FRYL: variants seen among roughly 807,000 people sequenced by gnomAD.
FRYL encodes FRY like transcription coactivator, also known as protein furry homolog-like.
In FRYL, 150 loss-of-function variants were observed where a neutral mutation model predicts 351.2. That is an observed-to-expected ratio of 0.43 (90% CI 0.37 to 0.49). The LOEUF (loss-of-function observed/expected upper bound fraction) is 0.49, where lower values mean the gene tolerates loss of function less well. Ranked by LOEUF, FRYL falls within the 20% of genes least tolerant of loss-of-function variation. FRYL has a pLI of 0.00. For missense variants in FRYL, 3,036 were observed against 3,619.3 expected (o/e 0.84, Z 4.13); for synonymous variants, 1,153 against 1,257.1 (o/e 0.92, Z 1.75).
chr4:48,776,476 C>T (rs971783756), intron 1 of FRYL, among the ~76,000 whole-genome samples: 5 of 152,130 alleles, frequency 3.3e-5, no homozygotes, highest in African/African-American at 1.2e-4. Context: ...TAAAACTGCC[C>T]AAGTACTTTA....
At chr4:48,598,914 T>G (rs1745149951) in intron 13 of FRYL, 1 of 815,502 alleles carries the variant, frequency 1.2e-6, no homozygotes, top group Non-Finnish European at 1.5e-6. Context: ...AAACATGAGA[T>G]GCAGCACATG....
In FRYL at chr4:48,703,691, T is replaced by A. The variant is rs182821526; in HGVS notation, c.-204+6828A>T. Among the ~76,000 whole-genome samples, 19 of 152,310 alleles carry A rather than the reference T, an allele frequency of 1.2e-4. No individual in the cohort carries two copies. The East Asian group carries it at 3.7e-3, about 29-fold the overall frequency. Reference sequence around the variant, plus strand: ...ACTCACAACCTCTCCAATGTAATAATGTGTCCCCACTTTTACATTCTCTCT... The same window carrying A: ...ACTCACAACCTCTCCAATGTAATAAAGTGTCCCCACTTTTACATTCTCTCT... On this transcript the variant is annotated intron_variant, in intron 2 of 63. Coordinates refer to ENST00000358350, the MANE Select transcript of FRYL (RefSeq NM_015030.2).
chr4:48,572,851 G>A (rs1411391948), intron 26 of FRYL, among the ~76,000 whole-genome samples: 1 of 152,080 alleles, frequency 6.6e-6, no homozygotes, highest in Non-Finnish European at 1.5e-5. Flanking sequence ...CTTTTTTTAT[G>A]TAGTTTACGA....
At chr4:48,604,079 C>T (rs1712768) in intron 11 of FRYL, among the ~76,000 whole-genome samples, 62,571 of 152,076 alleles carry the variant, frequency 0.41, 14,148 homozygotes, top group Admixed American at 0.56. Context: ...ATCTGACATA[C>T]TACCTATTTT....
At position 48,749,033 on chromosome 4, in the gene FRYL, A is replaced by G. The variant is rs560373450; in HGVS notation, c.-384+31045T>C. On this transcript the variant is annotated intron_variant, in intron 1 of 63. Coordinates refer to ENST00000358350, the MANE Select transcript of FRYL (RefSeq NM_015030.2). ...ATATCTGGCATATTACAGCAACAGC[A>G]AGGCGATAAGCAACATCATAACAGA... Among the ~76,000 whole-genome samples the G allele has an allele frequency of 9.8e-5, 15 of 152,344 alleles. No homozygotes were observed. The South Asian group carries it at 2.9e-3, about 29-fold the overall frequency.
rs761211462 is a variant in FRYL at position 48,505,603 on chromosome 4, A to C, written c.8407T>G (p.Cys2803Gly). 5.6e-6 allele frequency: 9 copies of C among 1,606,040 alleles called. No individual in the cohort carries two copies. In the Admixed American group the frequency reaches 1.0e-4, roughly 18 times the overall value. Residue 2803 changes from cysteine (C) to glycine (G), a missense_variant, in exon 60 of 64, where the codon TGT (cysteine) becomes GGT (glycine). Around this residue, in one of 7 missense-constraint regions of FRYL, gnomAD observed 1,987 missense variants for 2,311.7 expected, o/e 0.86. Coordinates refer to ENST00000358350, the MANE Select transcript of FRYL (RefSeq NM_015030.2). The stretch of plus-strand genomic sequence containing the variant: ...TCTTTGGCACCAAATGTCCTCTTAC[A>C]ATCATCTAGCCACTAAAAATAAGTA... ...REAAEQWLDDCKRTFGAKEDM... is the reference protein window; with the variant it reads ...REAAEQWLDDGKRTFGAKEDM...
intron 1 of FRYL, among the ~76,000 whole-genome samples, chr4:48,712,356 T>C (rs1489145184): frequency 1.3e-5 from 2 of 151,636 alleles, no homozygotes; most frequent in African/African-American, 4.9e-5. Context: ...GAATAACCAA[T>C]ACAGAGAAGT....
intron 4 of FRYL, among the ~76,000 whole-genome samples, chr4:48,632,091 A>AATATATATATATATATATATGT (rs1753177493): frequency 4.3e-5 from 1 of 23,396 alleles, no homozygotes; most frequent in Non-Finnish European, 9.4e-5. Context: ...AAAAAAAAAA[A>AATATATATATATATATATATGT]ATATATATAT....
rs549797933 is a variant in FRYL, at chr4:48,673,814, T to C, written c.-81+10859A>G. Reference sequence around the variant, plus strand: ...CTTCAATCAGTGAGCAACTATTATGTCCCAAGCCTTGGAACACATGAAACA... The same window carrying C: ...CTTCAATCAGTGAGCAACTATTATGCCCCAAGCCTTGGAACACATGAAACA... On this transcript the variant is annotated intron_variant, in intron 3 of 63. Coordinates refer to ENST00000358350, the MANE Select transcript of FRYL (RefSeq NM_015030.2). Among the ~76,000 whole-genome samples, 6 of 152,304 alleles carry C rather than the reference T, an allele frequency of 3.9e-5. No homozygotes were observed. In the South Asian group the frequency reaches 1.2e-3, roughly 32 times the overall value.
chr4:48,612,401 C>T (rs1327776115), intron 7 of FRYL, among the ~76,000 whole-genome samples: 9 of 152,028 alleles, frequency 5.9e-5, no homozygotes, highest in Non-Finnish European at 1.2e-4. Flanking sequence ...AAGTTTTTTC[C>T]TCCCCTATAC....
chr4:48,653,807 A>AAGC (rs67820516), intron 3 of FRYL: 284 of 1,274,968 alleles, frequency 2.2e-4, no homozygotes, highest in South Asian at 1.9e-3. Flanking sequence ...TCAGCTGCAA[A>AAGC]AGCAGCAGCA....
At position 48,540,910 on chromosome 4, in the gene FRYL, T is replaced by C; in HGVS notation, c.5738A>G (p.Lys1913Arg). The part of the protein sequence containing the change: ...IMGNKYAANR[K>R]STGQLNLSTS... Reference sequence around the variant, plus strand: ...GCTTAGATTGAGTTGTCCAGTGCTTTTCCTGTTAGCTGCATACTTGTTTCC... The same window carrying C: ...GCTTAGATTGAGTTGTCCAGTGCTTCTCCTGTTAGCTGCATACTTGTTTCC... The change falls in exon 46 of 64, where the codon AAA (lysine) becomes AGA (arginine). Residue 1913 changes from lysine (K) to arginine (R), a missense_variant. Physicochemically the swap from Lys to Arg is conservative, Grantham distance 26 (BLOSUM62 2). Transcript: ENST00000358350. 6.2e-7 allele frequency: 1 copy of C among 1,611,518 alleles called. No individual in the cohort carries two copies. The highest frequency in any genetic ancestry group is 8.5e-7 in the Non-Finnish European group (1 of 1,178,176).
Position 48,710,657 on chromosome 4 carries a change from AG to A in FRYL, c.-343del, listed in dbSNP as rs1767897614. The A allele has an allele frequency of 2.5e-6, 1 of 398,412 alleles. No individual in the cohort carries two copies. The highest frequency in any genetic ancestry group is 4.4e-5 in the Admixed American group (1 of 22,714). 24.7% of individuals were successfully genotyped at this position (398,412 alleles called of 1,614,324 possible). ...GGCACACTGGTACAAAGCAGTAGTG[AG>A]TGAGTCACCGTGTGTGAAGCAGAAT... On this transcript the variant is annotated 5_prime_UTR_variant, in exon 2 of 64. Transcript: ENST00000358350.
At chr4:48,528,473 G>C in intron 50 of FRYL, 137 bp from the exon 51 acceptor site, 1 of 499,578 alleles carries the variant, frequency 2.0e-6, no homozygotes, top group Non-Finnish European at 3.3e-6. Flanking sequence ...GCATGAGGCA[G>C]ATGTTAACAA....
intron 63 of FRYL, 135 bp from the exon 64 acceptor site, chr4:48,499,815 A>G: frequency 1.1e-6 from 1 of 884,874 alleles, no homozygotes; most frequent in Non-Finnish European, 1.7e-6. Flanking sequence ...AGCAAATATT[A>G]CTCAAAGTAC....
At chr4:48,656,113 TATAC>T (rs1362163850) in intron 3 of FRYL, among the ~76,000 whole-genome samples, 2 of 104,244 alleles carry the variant, frequency 1.9e-5, no homozygotes, top group African/African-American at 2.9e-5. Flanking sequence ...TGTATACATA[TATAC>T]ATAAATAATA....
At chr4:48,764,858 T>C (rs1419156790) in intron 1 of FRYL, among the ~76,000 whole-genome samples, 4 of 152,198 alleles carry the variant, frequency 2.6e-5, no homozygotes, top group South Asian at 2.1e-4. Context: ...GATTTTTTTT[T>C]CCCCGAGATG....
At chr4:48,508,630 C>T (rs1010933139) in intron 59 of FRYL, among the ~76,000 whole-genome samples, 6 of 152,114 alleles carry the variant, frequency 3.9e-5, no homozygotes, top group African/African-American at 1.2e-4. Flanking sequence ...ACTCATGAGT[C>T]TACAGTCATT....
chr4:48,541,875 C>T, intron 45 of FRYL, 152 bp downstream of exon 45: 2 of 594,320 alleles, frequency 3.4e-6, no homozygotes, highest in Non-Finnish European at 6.1e-6. Context: ...TTCACAAGTC[C>T]TCACTGTCTG....
Sources: allele counts gnomAD v4.1 joint callset (sites outside exome capture counted in the v4.1 genomes callset), GRCh38; gene constraint gnomAD v4.1.1; regional missense constraint gnomAD v4.1.1; transcripts MANE v1.5; gene names NCBI Gene and HGNC (gene_info 2026-07-23, HGNC 2026-07-21).